ST8SIA3: variants seen among roughly 807,000 people sequenced by gnomAD.
ST8SIA3 encodes the protein ST8 alpha-N-acetyl-neuraminide alpha-2,8-sialyltransferase 3, also known as alpha-N-acetylneuraminate alpha-2,8-sialyltransferase ST8SIA3.
A neutral mutation model predicts 34.5 loss-of-function variants in ST8SIA3; 17 were observed. The observed-to-expected ratio is 0.49, with a 90% CI of 0.34 to 0.74. ST8SIA3 has a LOEUF of 0.74. Among genes scored for constraint, ST8SIA3 ranks in the 30% least tolerant of loss-of-function variants. The probability of loss-of-function intolerance (pLI) is 0.01; values close to 1 mark genes in which losing one functional copy is unlikely to be tolerated. For missense variants in ST8SIA3, 354 were observed against 467.8 expected (o/e 0.76, Z 2.24); for synonymous variants, 172 against 176.1 (o/e 0.98, Z 0.19).
intron 1 of ST8SIA3, among the ~76,000 whole-genome samples, chr18:57,353,914 A>G (rs1156323860): frequency 6.6e-6 from 1 of 152,174 alleles, no homozygotes; most frequent in Non-Finnish European, 1.5e-5. Context: ...GTCCCCAGCC[A>G]AGTTATAGGA....
chr18:57,363,769 G>A lies in ST8SIA3; in HGVS notation c.*3492G>A, dbSNP rs1330775183. On this transcript the variant is annotated 3_prime_UTR_variant, in exon 4 of 4. Transcript: ENST00000324000. Reference sequence around the variant, plus strand: ...GCAGGGACAATATTGTAGAATGCTAGGACACTGGAAATGAAGAGGCCTTCA... The same window carrying A: ...GCAGGGACAATATTGTAGAATGCTAAGACACTGGAAATGAAGAGGCCTTCA... 1.3e-5 allele frequency: 2 copies of A among 152,182 alleles called. No individual in the cohort carries two copies. The highest frequency in any genetic ancestry group is 2.1e-4 in the South Asian group (1 of 4,832). The allele number at this position is 152,182 out of a possible 1,614,324, so 9.4% of individuals were successfully genotyped here.
Position 57,352,832 on chromosome 18 carries a change from C to G in ST8SIA3, c.-15C>G. On this transcript the variant is annotated 5_prime_UTR_variant, in exon 1 of 4. Coordinates refer to ENST00000324000, the MANE Select transcript of ST8SIA3 (RefSeq NM_015879.3). ...ACCGATTTCCCCGGTTTCCCTGAAC[C>G]CAGCCCAGCCCGGGATGAGAAACTG... The G allele has an allele frequency of 6.2e-7, 1 of 1,612,344 alleles. No individual in the cohort carries two copies. The highest frequency in any genetic ancestry group is 8.5e-7 in the Non-Finnish European group (1 of 1,179,602).
chr18:57,359,227 T>G (rs1166928234), intron 3 of ST8SIA3, among the ~76,000 whole-genome samples: 1 of 152,194 alleles, frequency 6.6e-6, no homozygotes, highest in Admixed American at 6.5e-5. Flanking sequence ...CTCAAATATT[T>G]GGCGGTGTCA....
chr18:57,363,760 A>T lies in ST8SIA3; in HGVS notation c.*3483A>T, dbSNP rs755162546. ...TCAAAGGAAGCAGGGACAATATTGT[A>T]GAATGCTAGGACACTGGAAATGAAG... is the stretch of plus-strand genomic sequence containing the variant. On this transcript the variant is annotated 3_prime_UTR_variant, in exon 4 of 4. Coordinates refer to ENST00000324000, the MANE Select transcript of ST8SIA3 (RefSeq NM_015879.3). 6.6e-6 allele frequency: 1 copy of T among 152,246 alleles called. No individual in the cohort carries two copies. 9.4% of individuals were successfully genotyped at this position (152,246 alleles called of 1,614,324 possible).
Position 57,357,248 on chromosome 18 carries a change from G to A in ST8SIA3, c.638G>A (p.Ser213Asn). 6.2e-7 allele frequency: 1 copy of A among 1,614,130 alleles called. No individual in the cohort carries two copies. Among genetic ancestry groups the A allele is most frequent in the Non-Finnish European group, 8.5e-7 (1 of 1,179,966 alleles). ...RKTNLTTFNP[S>N]ILEKYYNNLL... ...ACCAATCTTACCACCTTCAACCCCA[G>A]CATCCTGGAAAAATATTACAACAAT... Residue 213 changes from serine (S) to asparagine (N), a missense_variant, in exon 3 of 4, where the codon AGC becomes AAC. Around this residue, in one of 3 missense-constraint regions of ST8SIA3, gnomAD observed 166 missense variants for 245.2 expected, o/e 0.68. Coordinates refer to ENST00000324000, the MANE Select transcript of ST8SIA3 (RefSeq NM_015879.3).
rs1362786043 is a variant in ST8SIA3 at position 57,359,986 on chromosome 18, G to A, written c.861-9G>A. Reference sequence around the variant, plus strand: ...ACCTCTGAATCCAAATGTACTTATTGTTCCACAGGTACTGGAAAAACAAAC... The same window carrying A: ...ACCTCTGAATCCAAATGTACTTATTATTCCACAGGTACTGGAAAAACAAAC... On this transcript the variant is annotated splice_polypyrimidine_tract_variant and intron_variant, in intron 3 of 3. Transcript: ENST00000324000. 6.2e-7 allele frequency: 1 copy of A among 1,608,850 alleles called. No individual in the cohort carries two copies. The highest frequency in any genetic ancestry group is 1.1e-5 in the South Asian group (1 of 90,900).
At chr18:57,359,065 G>A (rs895488356) in intron 3 of ST8SIA3, among the ~76,000 whole-genome samples, 29 of 152,250 alleles carry the variant, frequency 1.9e-4, no homozygotes, top group African/African-American at 6.5e-4. Context: ...CAAAAGTGGA[G>A]TTAATCATAA....
In ST8SIA3 at chr18:57,360,302, T is replaced by C. The variant is rs752678818; in HGVS notation, c.*25T>C. The C allele has an allele frequency of 3.7e-6, 6 of 1,600,942 alleles. No homozygotes were observed. The highest frequency in any genetic ancestry group is 5.1e-6 in the Non-Finnish European group (6 of 1,171,854). Reference sequence around the variant, plus strand: ...AGAACTCCAAACGGAAAGCGCCAAATGGCTGTTTAAAAAGTGCCCCAAATC... The same window carrying C: ...AGAACTCCAAACGGAAAGCGCCAAACGGCTGTTTAAAAAGTGCCCCAAATC... On this transcript the variant is annotated 3_prime_UTR_variant, in exon 4 of 4. Transcript: ENST00000324000.
At chr18:57,355,998 T>C (rs148842023) in intron 2 of ST8SIA3, among the ~76,000 whole-genome samples, 8 of 152,250 alleles carry the variant, frequency 5.3e-5, no homozygotes, top group Non-Finnish European at 1.0e-4. Context: ...ATTTCATTCC[T>C]GCTACATTTA....
At chr18:57,356,196 T>C (rs1216802776) in intron 2 of ST8SIA3, among the ~76,000 whole-genome samples, 1 of 152,202 alleles carries the variant, frequency 6.6e-6, no homozygotes, top group Non-Finnish European at 1.5e-5. Flanking sequence ...CTTGTTTATG[T>C]ACTGAATTGC....
At position 57,360,547 on chromosome 18, in the gene ST8SIA3, A is replaced by C. The variant is rs187071958; in HGVS notation, c.*270A>C. The C allele has an allele frequency of 1.2e-5, 5 of 416,654 alleles. No homozygotes were observed. The highest frequency in any genetic ancestry group is 2.1e-5 in the Non-Finnish European group (5 of 233,088). The allele number at this position is 416,654 out of a possible 1,614,324, so 25.8% of individuals were successfully genotyped here. A position where few individuals can be genotyped will look rare whatever the true frequency, so the allele number is the denominator to read the frequency against. Reference sequence around the variant, plus strand: ...TAACGAAATGGTTTGAAGTATTTTCATGTTTGGATTTTAATAATAAACTGC... The same window carrying C: ...TAACGAAATGGTTTGAAGTATTTTCCTGTTTGGATTTTAATAATAAACTGC... On this transcript the variant is annotated 3_prime_UTR_variant, in exon 4 of 4. Coordinates refer to ENST00000324000, the MANE Select transcript of ST8SIA3 (RefSeq NM_015879.3).
chr18:57,352,610 CG>C lies in ST8SIA3; in HGVS notation c.-236del. Reference sequence around the variant, plus strand: ...CATCTTCCTGCTCGGCACCGGGCCCCGCGCGCCCCTGCCTACGGGGTCCCGC... The same window carrying C: ...CATCTTCCTGCTCGGCACCGGGCCCCCGCGCCCCTGCCTACGGGGTCCCGC... On this transcript the variant is annotated 5_prime_UTR_variant, in exon 1 of 4. Transcript: ENST00000324000. The C allele has an allele frequency of 1.9e-6, 1 of 525,272 alleles. No individual in the cohort carries two copies. Among genetic ancestry groups the C allele is most frequent in the East Asian group, 7.0e-5 (1 of 14,316 alleles). 32.5% of individuals were successfully genotyped at this position (525,272 alleles called of 1,614,324 possible). A position where few individuals can be genotyped will look rare whatever the true frequency, so the allele number is the denominator to read the frequency against.
At chr18:57,354,318 G>A (rs2049785583) in intron 1 of ST8SIA3, 84 bp from the exon 2 acceptor site, 4 of 1,579,394 alleles carry the variant, frequency 2.5e-6, no homozygotes, top group Admixed American at 1.7e-5. Context: ...AGCCGCCCTC[G>A]CCCCAGCCGC....
At position 57,357,433 on chromosome 18, in the gene ST8SIA3, C is replaced by G. The variant is rs771235922; in HGVS notation, c.823C>G (p.Leu275Val). The G allele has an allele frequency of 8.7e-6, 14 of 1,612,528 alleles. No homozygotes were observed. The highest frequency in any genetic ancestry group is 3.4e-6 in the Non-Finnish European group (4 of 1,179,834). The change falls in exon 3 of 4, where the codon CTG becomes GTG. Residue 275 changes from leucine (L) to valine (V), a missense_variant. Physicochemically the swap from Leu to Val is conservative, Grantham distance 32. Around this residue, in one of 3 missense-constraint regions of ST8SIA3, gnomAD observed 166 missense variants for 245.2 expected, o/e 0.68. Coordinates refer to ENST00000324000, the MANE Select transcript of ST8SIA3 (RefSeq NM_015879.3). ...VEHRGQLKVQLAWPGNIMQHV... is the reference protein window; with the variant it reads ...VEHRGQLKVQVAWPGNIMQHV... ...ACACAGAGGTCAGTTAAAAGTCCAA[C>G]TGGCTTGGCCGGGAAATATAATGCA...
intron 3 of ST8SIA3, among the ~76,000 whole-genome samples, chr18:57,358,402 C>G (rs187814440): frequency 6.6e-6 from 1 of 152,122 alleles, no homozygotes; most frequent in Non-Finnish European, 1.5e-5. Flanking sequence ...TTCTGGAGAC[C>G]TGGTAAACAG....
rs567281628 is a variant in ST8SIA3 at position 57,360,289 on chromosome 18, G to C, written c.*12G>C. ...CACACTGTGCCTAAGAACTCCAAAC[G>C]GAAAGCGCCAAATGGCTGTTTAAAA... On this transcript the variant is annotated 3_prime_UTR_variant, in exon 4 of 4. Coordinates refer to ENST00000324000, the MANE Select transcript of ST8SIA3 (RefSeq NM_015879.3). 1.2e-6 allele frequency: 2 copies of C among 1,608,222 alleles called. No homozygotes were observed. The highest frequency in any genetic ancestry group is 2.2e-5 in the South Asian group (2 of 90,764).
At position 57,366,039 on chromosome 18, in the gene ST8SIA3, C is replaced by T. The variant is rs1175512955; in HGVS notation, c.*5762C>T. 6.6e-6 allele frequency: 1 copy of T among 152,188 alleles called. No individual in the cohort carries two copies. Among genetic ancestry groups the T allele is most frequent in the Admixed American group, 6.5e-5 (1 of 15,284 alleles). The allele number at this position is 152,188 out of a possible 1,614,324, so 9.4% of individuals were successfully genotyped here. A position where few individuals can be genotyped will look rare whatever the true frequency, so the allele number is the denominator to read the frequency against. The stretch of plus-strand genomic sequence containing the variant: ...TAAATACTCTCATCTCAGCCAATTT[C>T]AGGCTACTAACTTAATGTCAACCAG... On this transcript the variant is annotated 3_prime_UTR_variant, in exon 4 of 4. Coordinates refer to ENST00000324000, the MANE Select transcript of ST8SIA3 (RefSeq NM_015879.3).
chr18:57,356,020 T>A (rs1240210993), intron 2 of ST8SIA3, among the ~76,000 whole-genome samples: 2 of 152,226 alleles, frequency 1.3e-5, no homozygotes, highest in Non-Finnish European at 2.9e-5. Flanking sequence ...GCAAAAGTTA[T>A]AAGAAATTCA....
At position 57,354,429 on chromosome 18, in the gene ST8SIA3, C is replaced by A; in HGVS notation, c.207C>A (p.Asp69Glu). The stretch of plus-strand genomic sequence containing the variant: ...CACAATTTGCGCTGAAGTTTCTAGA[C>A]CCGTCATTCGTGCCCATTACGAATT... ...FRSQFALKFL[D>E]PSFVPITNSL... Residue 69 changes from aspartate to glutamate, a missense_variant, in exon 2 of 4, where the codon GAC becomes GAA. Physicochemically the swap from Asp to Glu is conservative, Grantham distance 45. Transcript: ENST00000324000. 1 of 1,614,192 alleles carries A rather than the reference C, an allele frequency of 6.2e-7. No homozygotes were observed. Among genetic ancestry groups the A allele is most frequent in the Non-Finnish European group, 8.5e-7 (1 of 1,180,016 alleles).
Sources: allele counts gnomAD v4.1 joint callset (sites outside exome capture counted in the v4.1 genomes callset), GRCh38; gene constraint gnomAD v4.1.1; regional missense constraint gnomAD v4.1.1; transcripts MANE v1.5; gene names NCBI Gene and HGNC (gene_info 2026-07-23, HGNC 2026-07-21).